The following ATP2C2 variants were observed in gnomAD, a reference collection of about 807,000 sequenced individuals.
The protein encoded by ATP2C2 is ATPase secretory pathway Ca2+ transporting 2, also known as calcium-transporting ATPase type 2C member 2.
In ATP2C2, 171 loss-of-function variants were observed where a neutral mutation model predicts 110.8. That is an observed-to-expected ratio of 1.54 (90% CI 1.36 to 1.75). The LOEUF (loss-of-function observed/expected upper bound fraction) is 1.75. Ranked by LOEUF, ATP2C2 falls within the 40% of genes most tolerant of loss-of-function variation. ATP2C2 has a pLI of 0.00. For synonymous variants in ATP2C2, 804 were observed against 508.4 expected (o/e 1.58, Z -7.82); for missense variants, 1,963 against 1,235.0 (o/e 1.59, Z -8.84).
At chr16:84,398,985 G>C (rs2061790) in intron 2 of ATP2C2, among the ~76,000 whole-genome samples, 151,991 of 152,360 alleles carry the variant, frequency 1, 75,815 homozygotes, top group Middle Eastern at 1. Context: ...TGTTTCACAT[G>C]AAAGCCCAAA....
intron 1 of ATP2C2, among the ~76,000 whole-genome samples, chr16:84,398,128 C>T (rs534207308): frequency 5.3e-5 from 8 of 151,596 alleles, no homozygotes; most frequent in East Asian, 1.9e-4. Flanking sequence ...TGTGGCCGGG[C>T]GCAGTGGCTC....
At chr16:84,420,065 C>T (rs2150540092) in intron 7 of ATP2C2, among the ~76,000 whole-genome samples, 1 of 152,248 alleles carries the variant, frequency 6.6e-6, no homozygotes, top group Admixed American at 6.5e-5. Context: ...CACCTAAAAC[C>T]CTCCCCCAGC....
At chr16:84,454,795 T>A (rs538020237) in intron 20 of ATP2C2, 23 bp from the exon 21 acceptor site, 1 of 1,563,490 alleles carries the variant, frequency 6.4e-7, no homozygotes, top group Non-Finnish European at 8.6e-7. Flanking sequence ...GCTGCAGGCC[T>A]TCATTGCCTG....
At chr16:84,435,893 C>T (rs1199016763) in intron 11 of ATP2C2, among the ~76,000 whole-genome samples, 1 of 152,144 alleles carries the variant, frequency 6.6e-6, no homozygotes, top group Non-Finnish European at 1.5e-5. Flanking sequence ...CTTTGGGAGG[C>T]CGAGGCAGGT....
chr16:84,412,076 C>A (rs890291447), intron 6 of ATP2C2, among the ~76,000 whole-genome samples: 2 of 151,818 alleles, frequency 1.3e-5, no homozygotes, highest in African/African-American at 4.8e-5. Context: ...GTGGCAGGAT[C>A]TCGGCTCACT....
At chr16:84,396,530 A>G (rs1419504977) in intron 1 of ATP2C2, among the ~76,000 whole-genome samples, 2 of 141,106 alleles carry the variant, frequency 1.4e-5, no homozygotes, top group African/African-American at 5.4e-5. Flanking sequence ...AGCCTGGGTG[A>G]CAGAGTGAGG....
chr16:84,397,194 C>G (rs1905038701), intron 1 of ATP2C2, among the ~76,000 whole-genome samples: 1 of 151,770 alleles, frequency 6.6e-6, no homozygotes, highest in African/African-American at 2.4e-5. Context: ...CTCCCGAAGC[C>G]TCCAGGTGTT....
intron 6 of ATP2C2, among the ~76,000 whole-genome samples, chr16:84,411,446 T>C (rs997574331): frequency 6.6e-6 from 1 of 152,166 alleles, no homozygotes; most frequent in Non-Finnish European, 1.5e-5. Context: ...ACAATTCTTT[T>C]TTTGTTGTTT....
chr16:84,400,322 G>GTTT (rs1249570974), intron 2 of ATP2C2, among the ~76,000 whole-genome samples: 3 of 133,426 alleles, frequency 2.2e-5, no homozygotes, highest in African/African-American at 7.0e-5. Flanking sequence ...TGTATTTTTA[G>GTTT]TTTTTTGTTG....
intron 1 of ATP2C2, 79 bp from the exon 2 acceptor site, chr16:84,398,420 A>G (rs1905120464): frequency 1.1e-6 from 1 of 885,000 alleles, no homozygotes; most frequent in Non-Finnish European, 1.6e-6. Context: ...AAATAAACTA[A>G]TAAAAATAAA....
In ATP2C2 at chr16:84,398,687, A is replaced by G. The variant is rs74035987; in HGVS notation, c.210+78A>G. 1,560 of 1,137,422 alleles carry G rather than the reference A, an allele frequency of 1.4e-3. 18 individuals carry two copies. In the African/African-American group the frequency reaches 0.023, roughly 17 times the overall value. The allele number at this position is 1,137,422 out of a possible 1,614,324, so 70.5% of individuals were successfully genotyped here. On this transcript the variant is annotated intron_variant, in intron 2 of 26. Coordinates refer to ENST00000262429, the MANE Select transcript of ATP2C2 (RefSeq NM_014861.4). ...AAGAAAGCAACACAAAGCCCTGAAC[A>G]GTGCTTTGAAATTCTGTGTTATTAT...
intron 7 of ATP2C2, 123 bp from the exon 8 acceptor site, chr16:84,422,267 T>C: frequency 8.4e-7 from 1 of 1,191,858 alleles, no homozygotes; most frequent in Non-Finnish European, 1.2e-6. Flanking sequence ...GTGACACTCA[T>C]TCTGTAGGTT....
At chr16:84,437,759 G>A (rs1908875853) in intron 11 of ATP2C2, among the ~76,000 whole-genome samples, 2 of 152,088 alleles carry the variant, frequency 1.3e-5, no homozygotes, top group Admixed American at 6.5e-5. Context: ...CAGGTGATCT[G>A]CCCACCTGGG....
At position 84,454,827 on chromosome 16, in the gene ATP2C2, G is replaced by C. The variant is rs1378825011; in HGVS notation, c.1990G>C (p.Glu664Gln). The change falls in exon 21 of 27, where the codon GAG becomes CAG. Residue 664 changes from glutamate (E) to glutamine (Q), a missense_variant. Glu to Gln is a conservative substitution (Grantham distance 29). Transcript: ENST00000262429. ...CCTGCTCTTTCCAAAGGCTCTGCAGGAGTCAGGGGCGATCGTGGCCATGAC... is the reference window on the plus strand; with the variant it reads ...CCTGCTCTTTCCAAAGGCTCTGCAGCAGTCAGGGGCGATCGTGGCCATGAC... ...HKLKIIKALQ[E>Q]SGAIVAMTGD... 3 of 1,600,016 alleles carry C rather than the reference G, an allele frequency of 1.9e-6. No individual in the cohort carries two copies. The highest frequency in any genetic ancestry group is 2.3e-5 in the East Asian group (1 of 44,232).
At chr16:84,374,110 T>A (rs1044006381) in intron 1 of ATP2C2, among the ~76,000 whole-genome samples, 5 of 152,246 alleles carry the variant, frequency 3.3e-5, no homozygotes, top group Admixed American at 6.5e-5. Context: ...TCTATTTGTA[T>A]GTACTACTAC....
At chr16:84,377,329 G>A (rs1208009297) in intron 1 of ATP2C2, among the ~76,000 whole-genome samples, 1 of 152,150 alleles carries the variant, frequency 6.6e-6, no homozygotes, top group Non-Finnish European at 1.5e-5. Flanking sequence ...TCCCTGCCTG[G>A]AAGGTGGAGT....
chr16:84,374,247 T>G (rs182940559), intron 1 of ATP2C2, among the ~76,000 whole-genome samples: 2 of 152,162 alleles, frequency 1.3e-5, no homozygotes, highest in African/African-American at 4.8e-5. Flanking sequence ...GAATCCACAA[T>G]TGTGCGCTGT....
At chr16:84,441,377 G>A (rs1909240006) in intron 14 of ATP2C2, among the ~76,000 whole-genome samples, 1 of 152,324 alleles carries the variant, frequency 6.6e-6, no homozygotes, top group South Asian at 2.1e-4. Flanking sequence ...CGTGCCCGAT[G>A]AATGGTAAAA....
rs58494870 is a variant in ATP2C2 at position 84,412,547 on chromosome 16, C to CGTGT, written c.515+1801_515+1804dup. 3.9e-4 allele frequency among the ~76,000 whole-genome samples: 58 copies of CGTGT among 149,628 alleles called. No individual in the cohort carries two copies. The South Asian group carries it at 4.9e-3, about 13-fold the overall frequency. On this transcript the variant is annotated intron_variant, in intron 6 of 26. Coordinates refer to ENST00000262429, the MANE Select transcript of ATP2C2 (RefSeq NM_014861.4). ...GTGTGCATGTGTCTGTGTGTGTATG[C>CGTGT]GTGTGTGTGTGTGTGTGTGTGTATG...
Sources: gnomAD v4.1 joint callset for allele counts (sites outside exome capture counted in the v4.1 genomes callset) on GRCh38, gnomAD v4.1.1 for gene constraint, MANE v1.5 for transcripts, NCBI Gene and HGNC (gene_info 2026-07-23, HGNC 2026-07-21) for gene names.